The following ZNF841 variants were observed in gnomAD, a reference collection of about 807,000 sequenced individuals.
ZNF841 encodes TCONS_00006091.
A neutral mutation model predicts 13.0 loss-of-function variants in ZNF841; 11 were observed. The observed-to-expected ratio is 0.85, with a 90% CI of 0.53 to 1.40. The LOEUF is 1.40. Ranked by LOEUF, ZNF841 falls within the 40% of genes most tolerant of loss-of-function variation. The pLI, the probability that ZNF841 is intolerant of heterozygous loss-of-function variation, is 0.00. For synonymous variants in ZNF841, 369 were observed against 381.6 expected (o/e 0.97, Z 0.38); for missense variants, 1,068 against 1,139.5 (o/e 0.94, Z 0.90).
rs1304046372 is a variant in ZNF841, at chr19:52,076,118, G to A, written c.197C>T (p.Pro66Leu). 1 of 1,557,046 alleles carries A rather than the reference G, an allele frequency of 6.4e-7. No individual in the cohort carries two copies. Among genetic ancestry groups the A allele is most frequent in the Non-Finnish European group, 8.7e-7 (1 of 1,149,718 alleles). The change falls in exon 6 of 7, where the codon CCC becomes CTC. Residue 66 changes from proline to leucine, a missense_variant. Coordinates refer to ENST00000594440, the MANE Select transcript of ZNF841 (RefSeq NM_001136499.2). The stretch of plus-strand genomic sequence containing the variant: ...TTTCACTTGGCTCACCACAGTCCAG[G>A]GCTCTTTCCCTTGCTCCAACATGGA... Reference protein sequence around the residue: ...IISMLEQGKEPWTVVSQVKIA... With the variant: ...IISMLEQGKELWTVVSQVKIA...
At chr19:52,068,668 CA>C (rs1244178282) in intron 6 of ZNF841, among the ~76,000 whole-genome samples, 4,135 of 90,084 alleles carry the variant, frequency 0.046, 161 homozygotes, top group African/African-American at 0.14. Flanking sequence ...AGAGCAGTCT[CA>C]AAAAAAAAAA....
At chr19:52,081,914 C>T (rs1430501085) in intron 4 of ZNF841, among the ~76,000 whole-genome samples, 2 of 152,012 alleles carry the variant, frequency 1.3e-5, no homozygotes, top group African/African-American at 2.4e-5. Flanking sequence ...TTGAAAAATT[C>T]GCTAGATGAA....
Position 52,076,989 on chromosome 19 carries a change from C to T in ZNF841, c.111G>A (p.Met37Ile). 1 of 1,613,386 alleles carries T rather than the reference C, an allele frequency of 6.2e-7. No homozygotes were observed. The highest frequency in any genetic ancestry group is 2.2e-5 in the East Asian group (1 of 44,842). Residue 37 changes from methionine to isoleucine, a missense_variant, in exon 5 of 7, where the codon ATG becomes ATA. By Grantham distance (10) the Met-to-Ile change is conservative. Transcript: ENST00000594440. ...PVQKALYRDV[M>I]LENYRNLGFL... ...AGCCGAGGTTCCTGTAGTTCTCCAA[C>T]ATCACGTCCCTGTACAAAGCTTTCT...
At chr19:52,076,387 G>T in intron 5 of ZNF841, 1 of 520,358 alleles carries the variant, frequency 1.9e-6, no homozygotes, top group Non-Finnish European at 3.3e-6. Flanking sequence ...GATAGGCCAA[G>T]CATACTGGCT....
chr19:52,061,591 G>C (rs2087398110), downstream of ZNF841, among the ~76,000 whole-genome samples: 1 of 151,844 alleles, frequency 6.6e-6, no homozygotes, highest in Admixed American at 6.6e-5. Context: ...TCATCGCCCA[G>C]GCTGGAGTGC....
At chr19:52,061,718 G>GTA (rs2087401564), downstream of ZNF841, among the ~76,000 whole-genome samples, 1 of 151,988 alleles carries the variant, frequency 6.6e-6, no homozygotes, top group African/African-American at 2.4e-5. Context: ...ATCTAATTTT[G>GTA]TATTTTTAGT....
At chr19:52,072,722 G>A (rs1170680329) in intron 6 of ZNF841, among the ~76,000 whole-genome samples, 1 of 152,136 alleles carries the variant, frequency 6.6e-6, no homozygotes, top group Non-Finnish European at 1.5e-5. Context: ...GGGAGGCTGA[G>A]GCAGGAGAAT....
In ZNF841 at chr19:52,065,612, CTCCGA is replaced by C. The variant is rs1389222729; in HGVS notation, c.2265_2269del (p.His755GlnfsTer12). 1 of 1,612,554 alleles carries C rather than the reference CTCCGA, an allele frequency of 6.2e-7. No individual in the cohort carries two copies. The highest frequency in any genetic ancestry group is 8.5e-7 in the Non-Finnish European group (1 of 1,179,322). On this transcript the variant is annotated frameshift_variant, in exon 7 of 7. Coordinates refer to ENST00000594440, the MANE Select transcript of ZNF841 (RefSeq NM_001136499.2). LOFTEE classifies it low-confidence loss of function (END_TRUNC). ...GTAAGGTTTCTCTCCAGTATGAATT[CTCCGA>C]TGCCTTGCCAGGGTTGTAGTGGAGT...
Position 52,084,769 on chromosome 19 carries a change from C to G in ZNF841, c.15+18G>C, listed in dbSNP as rs2088214906. 6.2e-7 allele frequency: 1 copy of G among 1,613,174 alleles called. No individual in the cohort carries two copies. The highest frequency in any genetic ancestry group is 1.1e-5 in the South Asian group (1 of 90,958). The stretch of plus-strand genomic sequence containing the variant: ...AAAAGGGAGGAGACAGAACAATCCA[C>G]CAAGATTATCACTTTACCTGAGGAA... On this transcript the variant is annotated intron_variant, in intron 4 of 6. Transcript: ENST00000594440.
chr19:52,090,523 C>T (rs949425103), intron 2 of ZNF841, among the ~76,000 whole-genome samples: 2 of 151,508 alleles, frequency 1.3e-5, no homozygotes, highest in Non-Finnish European at 2.9e-5. Flanking sequence ...TGCCTGAGCC[C>T]AGGAGTTCAA....
intron 6 of ZNF841, among the ~76,000 whole-genome samples, chr19:52,072,734 G>C (rs989209824): frequency 6.6e-6 from 1 of 152,042 alleles, no homozygotes; most frequent in Non-Finnish European, 1.5e-5. Context: ...CAGGAGAATC[G>C]CTTGAACCCA....
chr19:52,079,413 T>C (rs576125375), intron 4 of ZNF841, among the ~76,000 whole-genome samples: 1 of 129,988 alleles, frequency 7.7e-6, no homozygotes, highest in African/African-American at 2.9e-5. Flanking sequence ...TTAAAAATCA[T>C]GTTGCAAAGG....
At chr19:52,085,675 G>A (rs2088249666) in intron 3 of ZNF841, among the ~76,000 whole-genome samples, 1 of 152,216 alleles carries the variant, frequency 6.6e-6, no homozygotes, top group African/African-American at 2.4e-5. Flanking sequence ...GACAGCCCAG[G>A]TAGAGGCCCT....
downstream of ZNF841, among the ~76,000 whole-genome samples, chr19:52,061,376 C>T (rs549464904): frequency 2.0e-5 from 3 of 152,118 alleles, no homozygotes; most frequent in Admixed American, 1.3e-4. Flanking sequence ...CACCATCCTG[C>T]CATTAGACCT....
At chr19:52,061,734 CG>C (rs1421788631), downstream of ZNF841, among the ~76,000 whole-genome samples, 1 of 152,032 alleles carries the variant, frequency 6.6e-6, no homozygotes, top group Non-Finnish European at 1.5e-5. Context: ...TTAGTAGAGA[CG>C]GGGTTTCTCC....
In ZNF841 at chr19:52,093,896, G is replaced by T. The variant is rs1457682872; in HGVS notation, c.-194C>A. 1 of 152,190 alleles carries T rather than the reference G, an allele frequency of 6.6e-6. No individual in the cohort carries two copies. Among genetic ancestry groups the T allele is most frequent in the Non-Finnish European group, 1.5e-5 (1 of 68,042 alleles). The allele number at this position is 152,190 out of a possible 1,614,324, so 9.4% of individuals were successfully genotyped here. A position where few individuals can be genotyped will look rare whatever the true frequency, so the allele number is the denominator to read the frequency against. ...CATCTGTAATTCCAGTGCGTTGAGA[G>T]GCTGAGGTGGAAAGACTGCTTGAGG... On this transcript the variant is annotated 5_prime_UTR_variant, in exon 2 of 7. Coordinates refer to ENST00000594440, the MANE Select transcript of ZNF841 (RefSeq NM_001136499.2).
rs878896452 is a variant in ZNF841 at position 52,084,780 on chromosome 19, A to G, written c.15+7T>C. On this transcript the variant is annotated splice_region_variant and intron_variant, in intron 4 of 6. Coordinates refer to ENST00000594440, the MANE Select transcript of ZNF841 (RefSeq NM_001136499.2). ...GACAGAACAATCCACCAAGATTATC[A>G]CTTTACCTGAGGAAGAGCCATCCCT... The G allele has an allele frequency of 1.7e-5, 27 of 1,613,648 alleles. No homozygotes were observed. Among genetic ancestry groups the G allele is most frequent in the South Asian group, 1.4e-4 (13 of 91,020 alleles).
chr19:52,066,977 G>A lies in ZNF841; in HGVS notation c.905C>T (p.Ser302Leu), dbSNP rs1397854519. ...NESGKAFHRG[S>L]LLTVHQIVHT... ...GACTATCTGATGTACTGTTAGTAGT[G>A]AGCCCCGATGAAAGGCTTTACCAGA... is the stretch of plus-strand genomic sequence containing the variant. Residue 302 changes from serine (S) to leucine (L), a missense_variant, in exon 7 of 7, where the codon TCA becomes TTA. Coordinates refer to ENST00000594440, the MANE Select transcript of ZNF841 (RefSeq NM_001136499.2). 1.2e-6 allele frequency: 2 copies of A among 1,613,978 alleles called. No individual in the cohort carries two copies. Among genetic ancestry groups the A allele is most frequent in the African/African-American group, 1.3e-5 (1 of 74,906 alleles).
At chr19:52,074,891 C>T (rs1458108620) in intron 6 of ZNF841, among the ~76,000 whole-genome samples, 3 of 152,210 alleles carry the variant, frequency 2.0e-5, no homozygotes, top group African/African-American at 7.2e-5. Context: ...AACATTGCCA[C>T]AGTACCCTTG....
Sources: gnomAD v4.1 joint callset for allele counts (sites outside exome capture counted in the v4.1 genomes callset) on GRCh38, gnomAD v4.1.1 for gene constraint, MANE v1.5 for transcripts, NCBI Gene and HGNC (gene_info 2026-07-23, HGNC 2026-07-21) for gene names.